CFDP1: variants seen among roughly 807,000 people sequenced by gnomAD.
CFDP1 encodes the protein heterochromatin-stabilizing protein CFDP1.
In CFDP1, 31 loss-of-function variants were observed where a neutral mutation model predicts 40.1. That is an observed-to-expected ratio of 0.77 (90% CI 0.58 to 1.04). The LOEUF (loss-of-function observed/expected upper bound fraction) is 1.04. Ranked by LOEUF, CFDP1 falls within the 50% of genes least tolerant of loss-of-function variation. The pLI is 0.00. For synonymous variants in CFDP1, 167 were observed against 120.0 expected, an observed-to-expected ratio of 1.39 and a Z score of -2.56; for missense variants, 423 against 343.4, an observed-to-expected ratio of 1.23 and a Z score of -1.83.
In CFDP1 at chr16:75,303,408, T is replaced by A. The variant is rs544739928; in HGVS notation, c.809+1616A>T. Among the ~76,000 whole-genome samples the A allele has an allele frequency of 2.8e-3, 397 of 144,248 alleles. 2 individuals are homozygous for A. Among genetic ancestry groups the A allele is most frequent in the African/African-American group, 9.9e-3 (373 of 37,578 alleles). The allele number at this position is 144,248 out of a possible 152,430, so 94.6% of individuals were successfully genotyped here. ...AAATAAATAAATAAATAAATGTATG[T>A]ATGTATGTATGTATGTATGTTTAGG... On this transcript the variant is annotated intron_variant, in intron 6 of 6. Coordinates refer to ENST00000283882, the MANE Select transcript of CFDP1 (RefSeq NM_006324.3).
At chr16:75,306,902 C>CACACACACACACAT (rs1555552534) in intron 5 of CFDP1, among the ~76,000 whole-genome samples, 53 of 149,614 alleles carry the variant, frequency 3.5e-4, no homozygotes, top group African/African-American at 1.2e-3. Flanking sequence ...CACACACACA[C>CACACACACACACAT]GCACACACAC....
In CFDP1 at chr16:75,385,465, C is replaced by T. The variant is rs569313563; in HGVS notation, c.650+9625G>A. ...AAAACAACAACAACAACAGCAACAA[C>T]AAAGTTTTTGTATCCCAAGGAAAAA... On this transcript the variant is annotated intron_variant, in intron 5 of 6. Transcript: ENST00000283882. 4.0e-5 allele frequency among the ~76,000 whole-genome samples: 6 copies of T among 151,596 alleles called. No homozygotes were observed. In the East Asian group the frequency reaches 9.6e-4, roughly 24 times the overall value.
chr16:75,432,540 C>A (rs1206241743), intron 1 of CFDP1, among the ~76,000 whole-genome samples: 1 of 151,924 alleles, frequency 6.6e-6, no homozygotes, highest in Non-Finnish European at 1.5e-5. Context: ...AACAGCAAGA[C>A]CCTGTCTTTA....
chr16:75,347,413 C>T (rs1230088410), intron 5 of CFDP1, among the ~76,000 whole-genome samples: 1 of 150,992 alleles, frequency 6.6e-6, no homozygotes, highest in Admixed American at 6.6e-5. Flanking sequence ...GGCGCAGTGG[C>T]TCACGCCTGT....
At chr16:75,382,628 C>T (rs1459994422) in intron 5 of CFDP1, among the ~76,000 whole-genome samples, 1 of 152,230 alleles carries the variant, frequency 6.6e-6, no homozygotes, top group Non-Finnish European at 1.5e-5. Context: ...CAGCACAACA[C>T]AGAAACATGG....
intron 5 of CFDP1, among the ~76,000 whole-genome samples, chr16:75,336,882 T>C (rs1184480612): frequency 6.6e-6 from 1 of 152,230 alleles, no homozygotes; most frequent in Non-Finnish European, 1.5e-5. Context: ...TCTTTTCTAA[T>C]GTATGAGCCA....
intron 5 of CFDP1, among the ~76,000 whole-genome samples, chr16:75,382,338 C>G (rs1372872085): frequency 6.6e-6 from 1 of 152,160 alleles, no homozygotes; most frequent in Non-Finnish European, 1.5e-5. Flanking sequence ...TGATCCTTTG[C>G]TTTCATTATG....
intron 5 of CFDP1, among the ~76,000 whole-genome samples, chr16:75,356,080 C>T (rs2078642653): frequency 6.6e-6 from 1 of 152,164 alleles, no homozygotes; most frequent in Non-Finnish European, 1.5e-5. Context: ...TTTTGGCCTC[C>T]TCCCATGAAT....
intron 6 of CFDP1, among the ~76,000 whole-genome samples, chr16:75,297,168 G>GTGTGTGTA (rs2078189133): frequency 1.1e-5 from 1 of 94,990 alleles, no homozygotes; most frequent in Non-Finnish European, 2.3e-5. Context: ...GTGTGTGTCT[G>GTGTGTGTA]TGTGTGTGTG....
intron 5 of CFDP1, among the ~76,000 whole-genome samples, chr16:75,373,011 G>A (rs1039063515): frequency 1.3e-5 from 2 of 152,174 alleles, no homozygotes; most frequent in Admixed American, 6.5e-5. Flanking sequence ...CATGGAAGCA[G>A]ATCATACACT....
intron 5 of CFDP1, among the ~76,000 whole-genome samples, chr16:75,324,390 C>T (rs774516619): frequency 2.0e-5 from 3 of 152,088 alleles, no homozygotes; most frequent in Non-Finnish European, 4.4e-5. Context: ...TGTCCTCACT[C>T]TTATCCTCTT....
chr16:75,294,205 C>G (rs2078165828), intron 6 of CFDP1, among the ~76,000 whole-genome samples, 163 bp from the exon 7 acceptor site: 2 of 152,128 alleles, frequency 1.3e-5, no homozygotes, highest in Non-Finnish European at 1.5e-5. Context: ...TTGGTCTAAA[C>G]AAGGATGGTG....
chr16:75,314,696 T>C (rs2078313613), intron 5 of CFDP1, among the ~76,000 whole-genome samples: 1 of 152,218 alleles, frequency 6.6e-6, no homozygotes, highest in Admixed American at 6.5e-5. Context: ...ATTTATATGC[T>C]CAATTTATCT....
chr16:75,326,365 A>T (rs935368791), intron 5 of CFDP1, among the ~76,000 whole-genome samples: 1 of 152,182 alleles, frequency 6.6e-6, no homozygotes, highest in Admixed American at 6.5e-5. Flanking sequence ...ACATAATTGG[A>T]GCAATTATCT....
At position 75,433,498 on chromosome 16, in the gene CFDP1, T is replaced by C; in HGVS notation, c.-146A>G. 1 of 691,218 alleles carries C rather than the reference T, an allele frequency of 1.4e-6. No individual in the cohort carries two copies. Among genetic ancestry groups the C allele is most frequent in the South Asian group, 1.7e-5 (1 of 57,360 alleles). 42.8% of individuals were successfully genotyped at this position (691,218 alleles called of 1,614,324 possible). A position where few individuals can be genotyped will look rare whatever the true frequency, so the allele number is the denominator to read the frequency against. ...CAGCGCTTTGCACATGCGCAGAGAG[T>C]ACTACGTGGTTGCCCTACGACACTT... On this transcript the variant is annotated 5_prime_UTR_variant, in exon 1 of 7. Transcript: ENST00000283882.
chr16:75,305,945 C>T (rs1164807352), intron 5 of CFDP1, among the ~76,000 whole-genome samples: 2 of 152,152 alleles, frequency 1.3e-5, no homozygotes, highest in African/African-American at 4.8e-5. Context: ...GGGAGAAACC[C>T]CAGATGCCCA....
chr16:75,330,657 T>A (rs1597335736), intron 5 of CFDP1, among the ~76,000 whole-genome samples: 1 of 151,822 alleles, frequency 6.6e-6, no homozygotes, highest in Non-Finnish European at 1.5e-5. Context: ...GATGGAGAGG[T>A]CTTTCTTCTA....
intron 4 of CFDP1, among the ~76,000 whole-genome samples, chr16:75,403,868 A>G (rs1261625155): frequency 1.3e-5 from 2 of 152,116 alleles, no homozygotes; most frequent in Admixed American, 1.3e-4. Context: ...ATGGTGGCTC[A>G]CACCTGTAAT....
At position 75,369,391 on chromosome 16, in the gene CFDP1, C is replaced by CAAAAA. The variant is rs2078736901; in HGVS notation, c.650+25694_650+25698dup. ...TAGCAAAAGTTCGCTTCAAAAAAAA[C>CAAAAA]AAAAACAAAACAACCCACAAAAAAA... On this transcript the variant is annotated intron_variant, in intron 5 of 6. Transcript: ENST00000283882. 2.0e-5 allele frequency among the ~76,000 whole-genome samples: 3 copies of CAAAAA among 150,366 alleles called. No homozygotes were observed. In the East Asian group the frequency reaches 5.9e-4, roughly 29 times the overall value.
Sources: allele counts gnomAD v4.1 joint callset (sites outside exome capture counted in the v4.1 genomes callset), GRCh38; gene constraint gnomAD v4.1.1; transcripts MANE v1.5; gene names NCBI Gene and HGNC (gene_info 2026-07-23, HGNC 2026-07-21).